RNF111: variants seen among roughly 807,000 people sequenced by gnomAD.
RNF111 encodes E3 ubiquitin-protein ligase Arkadia.
A neutral mutation model predicts 95.1 loss-of-function variants in RNF111; 17 were observed. That is an observed-to-expected ratio of 0.18 (90% CI 0.12 to 0.27). RNF111 has a LOEUF of 0.27. Among genes scored for constraint, RNF111 ranks in the 10% least tolerant of loss-of-function variants. The pLI is 1.00. For synonymous variants in RNF111, 440 were observed against 414.8 expected, an observed-to-expected ratio of 1.06 and a Z score of -0.74; for missense variants, 1,189 against 1,210.4, an observed-to-expected ratio of 0.98 and a Z score of 0.26.
intron 2 of RNF111, among the ~76,000 whole-genome samples, chr15:59,052,038 G>T (rs1243420768): frequency 2.0e-5 from 3 of 152,058 alleles, no homozygotes; most frequent in Admixed American, 2.0e-4. Flanking sequence ...TACAAATCAT[G>T]TAGAAACCAC....
At chr15:59,088,119 T>C (rs1301941829) in intron 10 of RNF111, among the ~76,000 whole-genome samples, 1 of 152,160 alleles carries the variant, frequency 6.6e-6, no homozygotes, top group East Asian at 1.9e-4. Context: ...ATTTTCAGGT[T>C]TAAGACAGAA....
chr15:58,998,456 T>C (rs531517111), intron 1 of RNF111, among the ~76,000 whole-genome samples: 18 of 152,294 alleles, frequency 1.2e-4, no homozygotes, highest in African/African-American at 4.3e-4. Context: ...TGTGTCCGTA[T>C]GTTCTTGGGA....
At chr15:58,996,516 G>C (rs1357271591) in intron 1 of RNF111, among the ~76,000 whole-genome samples, 1 of 151,942 alleles carries the variant, frequency 6.6e-6, no homozygotes, top group East Asian at 1.9e-4. Flanking sequence ...GGGAGGTGGA[G>C]GTTGCAGTGA....
rs371975270 is a variant in RNF111, at chr15:59,031,622, C to G, written c.800C>G (p.Ser267Cys). The change falls in exon 2 of 14, where the codon TCT (serine) becomes TGT (cysteine). Residue 267 changes from serine to cysteine, a missense_variant. Coordinates refer to ENST00000348370, the MANE Select transcript of RNF111 (RefSeq NM_017610.8). ...SENDLSSESSSSSSTEGEEDL... is the reference protein window; with the variant it reads ...SENDLSSESSCSSSTEGEEDL... ...AATGACCTCAGCAGTGAATCCTCTT[C>G]TAGCTCATCAACTGAAGGAGAAGAA... 1.2e-6 allele frequency: 2 copies of G among 1,614,054 alleles called. No homozygotes were observed. The highest frequency in any genetic ancestry group is 1.3e-5 in the African/African-American group (1 of 74,930).
intron 1 of RNF111, among the ~76,000 whole-genome samples, chr15:59,006,813 G>A (rs1289129806): frequency 3.3e-5 from 5 of 152,164 alleles, no homozygotes; most frequent in African/African-American, 1.2e-4. Flanking sequence ...TTGAGATGGA[G>A]TCTTGCTCTG....
rs570389609 is a variant in RNF111, at chr15:59,036,310, C to G, written c.880+4608C>G. Among the ~76,000 whole-genome samples, 19 of 152,298 alleles carry G rather than the reference C, an allele frequency of 1.2e-4. No individual in the cohort carries two copies. In the South Asian group the frequency reaches 3.5e-3, roughly 28 times the overall value. ...TGGCCTCAAGAGATCCGCTGCCCAC[C>G]TCAGCCTCCCAAAGTGCTGGGATTA... is the stretch of plus-strand genomic sequence containing the variant. On this transcript the variant is annotated intron_variant, in intron 2 of 13. Coordinates refer to ENST00000348370, the MANE Select transcript of RNF111 (RefSeq NM_017610.8).
intron 5 of RNF111, among the ~76,000 whole-genome samples, chr15:59,064,840 A>G (rs1018690295): frequency 9.2e-5 from 14 of 152,086 alleles, no homozygotes; most frequent in Non-Finnish European, 1.5e-4. Flanking sequence ...CCGGAAAGGC[A>G]GGATAAGACA....
intron 1 of RNF111, among the ~76,000 whole-genome samples, chr15:59,002,722 G>C (rs932173091): frequency 1.2e-4 from 18 of 152,090 alleles, no homozygotes; most frequent in African/African-American, 4.1e-4. Flanking sequence ...TTCCCTACAG[G>C]CTCTACCTGA....
intron 1 of RNF111, among the ~76,000 whole-genome samples, chr15:59,009,463 T>A (rs1218002827): frequency 6.6e-6 from 1 of 150,690 alleles, no homozygotes; most frequent in Admixed American, 6.6e-5. Context: ...TGACTTAATA[T>A]CAAATATCAA....
At position 59,066,957 on chromosome 15, in the gene RNF111, T is replaced by C; in HGVS notation, c.1560T>C (p.His520=). 1 of 1,614,080 alleles carries C rather than the reference T, an allele frequency of 6.2e-7. No individual in the cohort carries two copies. Among genetic ancestry groups the C allele is most frequent in the Non-Finnish European group, 8.5e-7 (1 of 1,180,004 alleles). ...TTCAACATCATCACCACCACCACCATACTCCCCACCCAGCTGTCCCAGTTT... is the reference window on the plus strand; with the variant it reads ...TTCAACATCATCACCACCACCACCACACTCCCCACCCAGCTGTCCCAGTTT... ...HHFQHHHHHH[H]TPHPAVPVSP... Residue 520 remains histidine, a synonymous_variant, in exon 6 of 14, where the codon CAT becomes CAC. Coordinates refer to ENST00000348370, the MANE Select transcript of RNF111 (RefSeq NM_017610.8).
chr15:59,029,382 A>G (rs1275646938), intron 1 of RNF111, among the ~76,000 whole-genome samples: 1 of 152,124 alleles, frequency 6.6e-6, no homozygotes, highest in Non-Finnish European at 1.5e-5. Flanking sequence ...TCATCTTTGT[A>G]TTCCTGGTTT....
intron 1 of RNF111, among the ~76,000 whole-genome samples, chr15:59,013,937 C>T (rs756460511): frequency 2.6e-5 from 4 of 151,912 alleles, no homozygotes; most frequent in Admixed American, 6.6e-5. Context: ...TACAGGCACA[C>T]GCCACCACGC....
chr15:59,046,219 G>A (rs2041701016), intron 2 of RNF111, among the ~76,000 whole-genome samples: 1 of 150,002 alleles, frequency 6.7e-6, no homozygotes, highest in South Asian at 2.1e-4. Context: ...TTTGAGACAG[G>A]ATTTCATTCT....
chr15:59,060,525 A>T (rs1187913928), intron 5 of RNF111, among the ~76,000 whole-genome samples: 1 of 152,152 alleles, frequency 6.6e-6, no homozygotes, highest in Non-Finnish European at 1.5e-5. Flanking sequence ...AGTGCCAGCT[A>T]CTCAGAGACT....
intron 6 of RNF111, among the ~76,000 whole-genome samples, chr15:59,069,939 C>T (rs556134540): frequency 3.3e-5 from 5 of 151,260 alleles, no homozygotes; most frequent in African/African-American, 1.2e-4. Context: ...ATGTAGATAG[C>T]CCTCACTGCT....
At position 59,031,596 on chromosome 15, in the gene RNF111, GA is replaced by G; in HGVS notation, c.776del (p.Asn259MetfsTer44). ...TACCTAGTTCTAGTAGTTCCAGTGA[GA>G]ATGACCTCAGCAGTGAATCCTCTTC... ...LLPSSSSSSE[N>X]DLSSESSSSS... On this transcript the variant is annotated frameshift_variant, in exon 2 of 14. Coordinates refer to ENST00000348370, the MANE Select transcript of RNF111 (RefSeq NM_017610.8). LOFTEE classifies it high-confidence loss of function. The G allele has an allele frequency of 6.2e-7, 1 of 1,614,184 alleles. No individual in the cohort carries two copies. Among genetic ancestry groups the G allele is most frequent in the Non-Finnish European group, 8.5e-7 (1 of 1,180,018 alleles).
intron 7 of RNF111, among the ~76,000 whole-genome samples, chr15:59,078,071 G>A (rs552627317): frequency 2.6e-5 from 4 of 152,276 alleles, no homozygotes; most frequent in South Asian, 2.1e-4. Flanking sequence ...GGATAGATTC[G>A]AGTTGACCTC....
chr15:59,001,341 T>C lies in RNF111; in HGVS notation c.-20+13273T>C, dbSNP rs79069331. On this transcript the variant is annotated intron_variant, in intron 1 of 13. Transcript: ENST00000348370. ...CTTCTTAGCCATTTTTTACCTCTCT[T>C]CTCTTTTCTGGATTTCCTGTCAATC... Among the ~76,000 whole-genome samples the C allele has an allele frequency of 9.4e-3, 1,436 of 152,288 alleles. 14 individuals are homozygous for C. Among genetic ancestry groups the C allele is most frequent in the Non-Finnish European group, 0.016 (1,070 of 68,014 alleles).
At chr15:59,031,849 G>T in intron 2 of RNF111, 147 bp downstream of exon 2, 1 of 714,466 alleles carries the variant, frequency 1.4e-6, no homozygotes, top group Non-Finnish European at 2.3e-6. Flanking sequence ...ACCAATTGCA[G>T]TATTAAACCA....
Sources: gnomAD v4.1 joint callset for allele counts (sites outside exome capture counted in the v4.1 genomes callset) on GRCh38, gnomAD v4.1.1 for gene constraint, MANE v1.5 for transcripts, NCBI Gene and HGNC (gene_info 2026-07-23, HGNC 2026-07-21) for gene names.